The following NEDD4L variants were observed in gnomAD, a reference collection of about 807,000 sequenced individuals.
The protein encoded by NEDD4L is E3 ubiquitin-protein ligase NEDD4-like.
Under a neutral mutation model 148.9 loss-of-function variants are expected in NEDD4L, and 54 were observed. The ratio of observed to expected loss-of-function variants is 0.36; its 90% confidence interval spans 0.29 to 0.45. The LOEUF (loss-of-function observed/expected upper bound fraction) is 0.45, where lower values mean the gene tolerates loss of function less well. Ranked by LOEUF, NEDD4L falls within the 20% of genes least tolerant of loss-of-function variation. NEDD4L has a pLI of 1.00. For synonymous variants in NEDD4L, 433 were observed against 440.7 expected (o/e 0.98, Z 0.22); for missense variants, 856 against 1,233.8 (o/e 0.69, Z 4.59).
chr18:58,258,804 G>A (rs971882627), intron 5 of NEDD4L, among the ~76,000 whole-genome samples: 30 of 152,114 alleles, frequency 2.0e-4, no homozygotes, highest in African/African-American at 6.8e-4. Flanking sequence ...TAACAAAACC[G>A]CCTGCTCCAT....
intron 1 of NEDD4L, among the ~76,000 whole-genome samples, chr18:58,142,040 C>CTTT (rs552184742): frequency 0.11 from 4,652 of 41,780 alleles, 484 homozygotes; most frequent in Non-Finnish European, 0.13. Flanking sequence ...AAATTTCTTT[C>CTTT]TTTTTTTTTT....
intron 5 of NEDD4L, among the ~76,000 whole-genome samples, chr18:58,266,366 T>G (rs900386900): frequency 1.3e-5 from 2 of 152,086 alleles, no homozygotes; most frequent in African/African-American, 4.8e-5. Context: ...ATAAAAGTAT[T>G]AAATTTCTGA....
intron 19 of NEDD4L, among the ~76,000 whole-genome samples, chr18:58,363,630 G>C (rs1035817598): frequency 6.6e-6 from 1 of 152,132 alleles, no homozygotes; most frequent in African/African-American, 2.4e-5. Flanking sequence ...CAATTCCTGA[G>C]CCCTCAACTG....
intron 2 of NEDD4L, chr18:58,193,697 G>A (rs1488918553): frequency 1.3e-5 from 2 of 152,264 alleles, no homozygotes; most frequent in Non-Finnish European, 2.9e-5. Flanking sequence ...GGCTTTGGAA[G>A]AGTGAAGTGG....
intron 3 of NEDD4L, among the ~76,000 whole-genome samples, chr18:58,246,911 A>G (rs1038019729): frequency 1.3e-5 from 2 of 152,126 alleles, no homozygotes; most frequent in African/African-American, 2.4e-5. Flanking sequence ...GTGGTGGCTC[A>G]TGGCTGTAAT....
chr18:58,190,722 GAT>G (rs540528164), intron 2 of NEDD4L, among the ~76,000 whole-genome samples: 9 of 152,158 alleles, frequency 5.9e-5, no homozygotes, highest in Non-Finnish European at 1.2e-4. Flanking sequence ...TTTAGATTTA[GAT>G]ATTAAAGTTA....
chr18:58,204,191 G>A (rs897867176), intron 2 of NEDD4L, among the ~76,000 whole-genome samples: 2 of 152,086 alleles, frequency 1.3e-5, no homozygotes, highest in Admixed American at 6.5e-5. Context: ...ACCCAGACGT[G>A]GTGGTGTGCA....
In NEDD4L at chr18:58,281,915, C is replaced by T. The variant is rs4941376; in HGVS notation, c.297+29861C>T. On this transcript the variant is annotated intron_variant, in intron 5 of 30. Coordinates refer to ENST00000400345, the MANE Select transcript of NEDD4L (RefSeq NM_001144967.3). ...TGGCAGTCACCTGTAGTCCCAGCTA[C>T]TCGGGAGGCTGAGGCAGGAGAATGG... Among the ~76,000 whole-genome samples the T allele has an allele frequency of 4.9e-3, 751 of 151,720 alleles. 21 individuals carry two copies. The highest frequency in any genetic ancestry group is 0.043 in the Admixed American group (658 of 15,260).
intron 29 of NEDD4L, 96 bp from the exon 30 acceptor site, chr18:58,391,391 A>G (rs1390694669): frequency 3.0e-6 from 3 of 991,806 alleles, no homozygotes; most frequent in Non-Finnish European, 4.7e-6. Flanking sequence ...CCTGGGGGCA[A>G]ACCCTGCCCT....
At chr18:58,151,580 G>A (rs1480712234) in intron 1 of NEDD4L, among the ~76,000 whole-genome samples, 1 of 151,254 alleles carries the variant, frequency 6.6e-6, no homozygotes, top group Non-Finnish European at 1.5e-5. Context: ...CCATAGCATG[G>A]TAATTAAAGG....
chr18:58,140,781 G>A (rs2033415569), intron 1 of NEDD4L, among the ~76,000 whole-genome samples: 2 of 152,202 alleles, frequency 1.3e-5, no homozygotes, highest in Admixed American at 1.3e-4. Flanking sequence ...GTCGGCCTTG[G>A]CCACTCTTAT....
chr18:58,080,497 T>C (rs1432422312), intron 1 of NEDD4L, among the ~76,000 whole-genome samples: 2 of 152,304 alleles, frequency 1.3e-5, no homozygotes, highest in East Asian at 3.9e-4. Flanking sequence ...AGAGGCTATA[T>C]ATTCATTAGC....
intron 1 of NEDD4L, among the ~76,000 whole-genome samples, chr18:58,162,967 C>T (rs111686665): frequency 0.036 from 5,467 of 151,572 alleles, 318 homozygotes; most frequent in African/African-American, 0.12. Context: ...GGGAGGCTGA[C>T]GCAGAAGAAT....
intron 1 of NEDD4L, among the ~76,000 whole-genome samples, chr18:58,113,463 C>A (rs1428712814): frequency 2.0e-5 from 3 of 152,110 alleles, no homozygotes; most frequent in African/African-American, 7.2e-5. Flanking sequence ...GGGGTTGAGT[C>A]AGGAAGAACC....
At chr18:58,166,720 A>G (rs2036892073) in intron 2 of NEDD4L, among the ~76,000 whole-genome samples, 1 of 152,310 alleles carries the variant, frequency 6.6e-6, no homozygotes, top group African/African-American at 2.4e-5. Flanking sequence ...CCTTTGTGGC[A>G]TGGTGGCCTG....
At chr18:58,123,430 C>T (rs770251061) in intron 1 of NEDD4L, among the ~76,000 whole-genome samples, 1 of 152,182 alleles carries the variant, frequency 6.6e-6, no homozygotes, top group Non-Finnish European at 1.5e-5. Context: ...CTTTTCACCC[C>T]CTTTCCGGTG....
At chr18:58,171,726 T>C (rs8094434) in intron 2 of NEDD4L, among the ~76,000 whole-genome samples, 2,444 of 152,334 alleles carry the variant, frequency 0.016, 66 homozygotes, top group African/African-American at 0.056. Flanking sequence ...GAGGTCCCAT[T>C]GGCTCTTCAA....
At chr18:58,213,948 T>C (rs2042869815) in intron 2 of NEDD4L, among the ~76,000 whole-genome samples, 1 of 152,196 alleles carries the variant, frequency 6.6e-6, no homozygotes, top group Admixed American at 6.5e-5. Context: ...CGTTTGCCCC[T>C]TTTTCACTGG....
chr18:58,085,453 A>C (rs549770282), intron 1 of NEDD4L, among the ~76,000 whole-genome samples: 2 of 152,126 alleles, frequency 1.3e-5, no homozygotes, highest in Non-Finnish European at 2.9e-5. Flanking sequence ...TGCGCCCTGG[A>C]GGATGGACTG....
Sources: allele counts gnomAD v4.1 joint callset (sites outside exome capture counted in the v4.1 genomes callset), GRCh38; gene constraint gnomAD v4.1.1; transcripts MANE v1.5; gene names NCBI Gene and HGNC (gene_info 2026-07-23, HGNC 2026-07-21).